Variants in MECOM observed in about 807,000 individuals in gnomAD.
MECOM encodes the protein histone-lysine N-methyltransferase MECOM.
MECOM carries 13 observed loss-of-function variants against 116.3 expected under a neutral mutation model. The ratio of observed to expected loss-of-function variants is 0.11; its 90% CI spans 0.07 to 0.18. MECOM has a LOEUF of 0.18. MECOM is among the 10% of genes least tolerant of loss of function. MECOM has a pLI of 1.00. For missense variants in MECOM, 1,299 were observed against 1,509.0 expected (o/e 0.86, Z 2.31); for synonymous variants, 528 against 535.2 (o/e 0.99, Z 0.19).
intron 1 of MECOM, among the ~76,000 whole-genome samples, chr3:169,410,887 G>A (rs1257077259): frequency 6.6e-6 from 1 of 152,014 alleles, no homozygotes; most frequent in African/African-American, 2.4e-5. Flanking sequence ...TTGTCCAACG[G>A]TTAGCAAAAA....
chr3:169,428,299 G>A (rs1047495940), intron 1 of MECOM, among the ~76,000 whole-genome samples: 1 of 152,150 alleles, frequency 6.6e-6, no homozygotes, highest in African/African-American at 2.4e-5. Flanking sequence ...ATTTTTTCAT[G>A]GACTGTGGGG....
chr3:169,395,019 C>A (rs545753283), intron 1 of MECOM, among the ~76,000 whole-genome samples: 1 of 152,156 alleles, frequency 6.6e-6, no homozygotes, highest in Admixed American at 6.5e-5. Flanking sequence ...TTCCAAGAAA[C>A]AGCATTATAT....
chr3:169,449,530 T>A (rs1745200453), intron 1 of MECOM, among the ~76,000 whole-genome samples: 1 of 152,160 alleles, frequency 6.6e-6, no homozygotes, highest in Non-Finnish European at 1.5e-5. Context: ...TAGCTATAAT[T>A]TATGAGGTGT....
At chr3:169,110,848 A>C (rs59499869) in intron 9 of MECOM, among the ~76,000 whole-genome samples, 8,612 of 152,176 alleles carry the variant, frequency 0.057, 702 homozygotes, top group East Asian at 0.31. Context: ...GTAGGAGGGA[A>C]TCACTGCCAC....
At chr3:169,498,057 T>C (rs1384400996) in intron 1 of MECOM, among the ~76,000 whole-genome samples, 1 of 152,230 alleles carries the variant, frequency 6.6e-6, no homozygotes, top group Non-Finnish European at 1.5e-5. Flanking sequence ...GCTTTATTTC[T>C]GTTCTCTCTA....
At chr3:169,112,200 G>A (rs992135937) in intron 9 of MECOM, among the ~76,000 whole-genome samples, 1 of 152,078 alleles carries the variant, frequency 6.6e-6, no homozygotes, top group Admixed American at 6.6e-5. Context: ...GTGCTGCTTT[G>A]CATTTTCCTT....
chr3:169,452,843 T>C (rs1056572755), intron 1 of MECOM, among the ~76,000 whole-genome samples: 9 of 152,236 alleles, frequency 5.9e-5, no homozygotes, highest in Non-Finnish European at 1.2e-4. Flanking sequence ...CTGTAAGGTT[T>C]GAAAATAACA....
intron 2 of MECOM, among the ~76,000 whole-genome samples, chr3:169,282,982 T>G (rs888021705): frequency 4.6e-5 from 7 of 152,152 alleles, no homozygotes; most frequent in African/African-American, 1.4e-4. Flanking sequence ...AGAAACTTTT[T>G]TTTCCATGGG....
At chr3:169,497,684 G>A (rs1202228509) in intron 1 of MECOM, among the ~76,000 whole-genome samples, 6 of 152,190 alleles carry the variant, frequency 3.9e-5, no homozygotes. Flanking sequence ...AATTCATCCT[G>A]CATACCTTTG....
At position 169,381,563 on chromosome 3, in the gene MECOM, T is replaced by C. The variant is rs759626343; in HGVS notation, c.38-39A>G. 6.8e-6 allele frequency: 10 copies of C among 1,464,800 alleles called. No individual in the cohort carries two copies. In the South Asian group the frequency reaches 1.3e-4, roughly 18 times the overall value. 90.7% of individuals were successfully genotyped at this position (1,464,800 alleles called of 1,614,324 possible). A position where few individuals can be genotyped will look rare whatever the true frequency, so the allele number is the denominator to read the frequency against. On this transcript the variant is annotated intron_variant, in intron 1 of 16. Coordinates refer to ENST00000651503, the MANE Select transcript of MECOM (RefSeq NM_004991.4). ...AGAACTTCATGAATTCCTTCTGATATTGAAGAGACAAAATTCCACAGGGGT... is the reference window on the plus strand; with the variant it reads ...AGAACTTCATGAATTCCTTCTGATACTGAAGAGACAAAATTCCACAGGGGT...
intron 2 of MECOM, among the ~76,000 whole-genome samples, chr3:169,263,519 T>TGC (rs1757890019): frequency 7.5e-6 from 1 of 132,520 alleles, no homozygotes; most frequent in Non-Finnish European, 1.5e-5. Context: ...GCAGAGCACT[T>TGC]GCACACACAC....
At chr3:169,263,160 G>A (rs1277837271) in intron 2 of MECOM, among the ~76,000 whole-genome samples, 6 of 104,484 alleles carry the variant, frequency 5.7e-5, no homozygotes, top group African/African-American at 1.9e-4. Context: ...ACAGAGTCTC[G>A]CTCTGTCACC....
intron 1 of MECOM, among the ~76,000 whole-genome samples, chr3:169,655,473 G>A (rs1464026925): frequency 3.3e-5 from 5 of 152,190 alleles, no homozygotes; most frequent in Non-Finnish European, 7.3e-5. Flanking sequence ...TAGAGAGTAT[G>A]CAAAACTAAA....
At chr3:169,410,975 A>G (rs1737466945) in intron 1 of MECOM, among the ~76,000 whole-genome samples, 1 of 152,136 alleles carries the variant, frequency 6.6e-6, no homozygotes, top group Non-Finnish European at 1.5e-5. Context: ...GATAGAAATG[A>G]ATTGTAAGCA....
intron 4 of MECOM, among the ~76,000 whole-genome samples, chr3:169,128,294 T>C (rs1733568535): frequency 6.6e-6 from 1 of 152,208 alleles, no homozygotes; most frequent in South Asian, 2.1e-4. Context: ...GTAAAACTTT[T>C]TGACTAAACC....
chr3:169,230,662 G>A (rs1471788329), intron 2 of MECOM, among the ~76,000 whole-genome samples: 3 of 152,122 alleles, frequency 2.0e-5, no homozygotes, highest in Non-Finnish European at 4.4e-5. Flanking sequence ...GGAATAATAG[G>A]TTTAGCCTCA....
intron 2 of MECOM, among the ~76,000 whole-genome samples, chr3:169,229,630 C>T (rs1160833926): frequency 6.6e-6 from 1 of 152,050 alleles, no homozygotes; most frequent in Non-Finnish European, 1.5e-5. Context: ...CCCTGGTCCC[C>T]TCCTGCAGGT....
At chr3:169,414,067 C>T (rs1376984126) in intron 1 of MECOM, among the ~76,000 whole-genome samples, 2 of 152,170 alleles carry the variant, frequency 1.3e-5, no homozygotes, top group African/African-American at 4.8e-5. Context: ...TCAAGTGGGT[C>T]CCAGACCCCC....
At chr3:169,475,161 G>T (rs1750146024) in intron 1 of MECOM, among the ~76,000 whole-genome samples, 1 of 152,152 alleles carries the variant, frequency 6.6e-6, no homozygotes, top group African/African-American at 2.4e-5. Flanking sequence ...TCCTTTTAAT[G>T]ATAACATAGC....
Sources: allele counts gnomAD v4.1 joint callset (sites outside exome capture counted in the v4.1 genomes callset), GRCh38; gene constraint gnomAD v4.1.1; transcripts MANE v1.5; gene names NCBI Gene and HGNC (gene_info 2026-07-23, HGNC 2026-07-21).